Variants in TRIML2 observed in about 807,000 individuals in gnomAD.
TRIML2 encodes the protein tripartite motif family like 2, also known as probable E3 ubiquitin-protein ligase TRIML2.
Under a neutral mutation model 31.2 loss-of-function variants are expected in TRIML2, and 28 were observed. The observed-to-expected ratio is 0.90, with a 90% confidence interval of 0.66 to 1.23. The LOEUF (loss-of-function observed/expected upper bound fraction) is 1.23, where lower values mean the gene tolerates loss of function less well. Ranked by LOEUF, TRIML2 falls within the 50% of genes most tolerant of loss-of-function variation. The pLI, the probability that TRIML2 is intolerant of heterozygous loss-of-function variation, is 0.00. For missense variants in TRIML2, 536 were observed against 528.3 expected, an observed-to-expected ratio of 1.01 and a Z score of -0.14; for synonymous variants, 187 against 197.5, an observed-to-expected ratio of 0.95 and a Z score of 0.45.
chr4:188,094,436 A>C (rs962234042), intron 7 of TRIML2, among the ~76,000 whole-genome samples: 2 of 152,214 alleles, frequency 1.3e-5, no homozygotes, highest in Non-Finnish European at 2.9e-5. Context: ...ATAGGGTACA[A>C]ATGTCAATAT....
rs1734149665 is a variant in TRIML2 at position 188,109,303 on chromosome 4, G to A, written c.-283C>T. On this transcript the variant is annotated 5_prime_UTR_variant, in exon 1 of 8. Coordinates refer to ENST00000682553, the MANE Select transcript of TRIML2 (RefSeq NM_173553.4). ...TTTTTTTTTTTTTTTTTGAGACAGGGTCTTGCTCTGTCACCCAGGCTGGAA... is the reference window on the plus strand; with the variant it reads ...TTTTTTTTTTTTTTTTTGAGACAGGATCTTGCTCTGTCACCCAGGCTGGAA... The A allele has an allele frequency of 7.3e-6, 1 of 136,402 alleles. No homozygotes were observed. Among genetic ancestry groups the A allele is most frequent in the Admixed American group, 7.8e-5 (1 of 12,808 alleles). The allele number at this position is 136,402 out of a possible 1,614,324, so 8.4% of individuals were successfully genotyped here. A position where few individuals can be genotyped will look rare whatever the true frequency, so the allele number is the denominator to read the frequency against.
rs555567765 is a variant in TRIML2 at position 188,091,623 on chromosome 4, A to G, written c.1064T>C (p.Phe355Ser). The G allele has an allele frequency of 4.3e-6, 7 of 1,613,932 alleles. No individual in the cohort carries two copies. Among genetic ancestry groups the G allele is most frequent in the Non-Finnish European group, 5.9e-6 (7 of 1,180,014 alleles). ...VMGTEWTLWV[F>S]PPLKRLFLEK... is the part of the protein sequence containing the mutation. ...CAGGAAGAGCCTTTTCAGAGGGGGG[A>G]AGACCCAGAGAGTCCACTCGGTCCC... The change falls in exon 8 of 8, where the codon TTC becomes TCC. Residue 355 changes from phenylalanine to serine, a missense_variant. Physicochemically the swap from Phe to Ser is radical, Grantham distance 155. Transcript: ENST00000682553.
chr4:188,101,652 C>T (rs2111178629), intron 3 of TRIML2, among the ~76,000 whole-genome samples: 1 of 151,972 alleles, frequency 6.6e-6, no homozygotes, highest in South Asian at 2.1e-4. Flanking sequence ...AGAGATTACG[C>T]CACTGCACTC....
rs148710254 is a variant in TRIML2, at chr4:188,097,146, C to T, written c.660G>A (p.Leu220=). The part of the protein sequence containing the change: ...KYSLERSKSL[L]LEHLEPAHIT... ...TATGAGCGGGCTCCAGATGCTCAAG[C>T]AGCAGTGACTTGCTCCTGAAGAGAA... The change falls in exon 7 of 8, where the codon CTG becomes CTA. Residue 220 remains leucine (L), a synonymous_variant. Transcript: ENST00000682553. The T allele has an allele frequency of 3.7e-6, 6 of 1,614,076 alleles. No individual in the cohort carries two copies. The highest frequency in any genetic ancestry group is 2.5e-6 in the Non-Finnish European group (3 of 1,179,962).
rs76096328 is a variant in TRIML2, at chr4:188,091,662, G to A, written c.1025C>T (p.Thr342Met). Residue 342 changes from threonine to methionine, a missense_variant, in exon 8 of 8, where the codon ACG becomes ATG. Thr to Met is a moderately conservative substitution (Grantham distance 81). Transcript: ENST00000682553. ...CCACTCGGTCCCCATCACCGACCCC[G>A]TGAGCAAGACTTTCTCTCCGGAAGC... ...ARASGEKVLL[T>M]GSVMGTEWTL... The A allele has an allele frequency of 5.0e-4, 808 of 1,613,558 alleles. 5 individuals carry two copies. The African/African-American group carries it at 8.3e-3, about 17-fold the overall frequency.
chr4:188,098,982 C>G, intron 5 of TRIML2, 53 bp downstream of exon 5: 7 of 1,604,568 alleles, frequency 4.4e-6, no homozygotes, highest in Non-Finnish European at 5.1e-6. Flanking sequence ...CTGTCCACTT[C>G]TCATTTCTCA....
At chr4:188,100,193 T>C (rs12501598) in intron 4 of TRIML2, among the ~76,000 whole-genome samples, 24,855 of 152,170 alleles carry the variant, frequency 0.16, 2,118 homozygotes, top group Admixed American at 0.21. Context: ...TTGCTATGAA[T>C]GTTATAATTG....
In TRIML2 at chr4:188,106,864, C is replaced by T. The variant is rs184944336; in HGVS notation, c.-222-1274G>A. The T allele has an allele frequency of 2.3e-3, 616 of 262,386 alleles. 6 individuals are homozygous for T. Among genetic ancestry groups the T allele is most frequent in the African/African-American group, 0.012 (543 of 43,640 alleles). 16.3% of individuals were successfully genotyped at this position (262,386 alleles called of 1,614,324 possible). On this transcript the variant is annotated intron_variant, in intron 1 of 7. Coordinates refer to ENST00000682553, the MANE Select transcript of TRIML2 (RefSeq NM_173553.4). ...GGCTGAGCCGCGGGTGCGGTACCAC[C>T]GGCGCTTTGTCGACGTTGTGCCCAT...
rs770589107 is a variant in TRIML2 at position 188,104,846 on chromosome 4, C to T, written c.276G>A (p.Ala92=). 9.9e-6 allele frequency: 16 copies of T among 1,613,440 alleles called. No individual in the cohort carries two copies. Among genetic ancestry groups the T allele is most frequent in the African/African-American group, 4.0e-5 (3 of 74,910 alleles). The change falls in exon 3 of 8, where the codon GCG becomes GCA. Residue 92 remains alanine, a synonymous_variant. Coordinates refer to ENST00000682553, the MANE Select transcript of TRIML2 (RefSeq NM_173553.4). Reference sequence around the variant, plus strand: ...ATAAGCACTCACTGACCTGAATCATCGCCATTCTTTCTTGCTCATCAGTCA... The same window carrying T: ...ATAAGCACTCACTGACCTGAATCATTGCCATTCTTTCTTGCTCATCAGTCA... ...SILTDEQERM[A]MIQEEEQNFK...
At position 188,091,608 on chromosome 4, in the gene TRIML2, C is replaced by A. The variant is rs1247112447; in HGVS notation, c.1079G>T (p.Arg360Met). 2.5e-6 allele frequency: 4 copies of A among 1,614,140 alleles called. No individual in the cohort carries two copies. The highest frequency in any genetic ancestry group is 3.4e-6 in the Non-Finnish European group (4 of 1,180,016). Residue 360 changes from arginine (R) to methionine (M), a missense_variant, in exon 8 of 8, where the codon AGG (arginine) becomes ATG (methionine). By Grantham distance (91) the Arg-to-Met change is moderately conservative. Transcript: ENST00000682553. ...GTCCAACTTCTTTTCCAGGAAGAGC[C>A]TTTTCAGAGGGGGGAAGACCCAGAG... ...WTLWVFPPLK[R>M]LFLEKKLDTV...
At position 188,105,164 on chromosome 4, in the gene TRIML2, C is replaced by G. The variant is rs1331841072; in HGVS notation, c.189+16G>C. ...GTTGGCCAGAGTGTTTTGGGATTTG[C>G]GTGAGTGACTCTTACCCTGTAATTC... On this transcript the variant is annotated intron_variant, in intron 2 of 7. Transcript: ENST00000682553. The G allele has an allele frequency of 6.3e-7, 1 of 1,590,508 alleles. No individual in the cohort carries two copies. Among genetic ancestry groups the G allele is most frequent in the South Asian group, 1.1e-5 (1 of 90,066 alleles).
At chr4:188,099,251 T>A in intron 4 of TRIML2, 76 bp from the exon 5 acceptor site, 1 of 1,499,860 alleles carries the variant, frequency 6.7e-7, no homozygotes, top group Non-Finnish European at 8.9e-7. Context: ...CTCCTATAGA[T>A]TAATTCAACC....
intron 6 of TRIML2, 42 bp downstream of exon 6, chr4:188,097,282 G>A: frequency 6.2e-7 from 1 of 1,610,634 alleles, no homozygotes; most frequent in Non-Finnish European, 8.5e-7. Flanking sequence ...CATCTTACTG[G>A]ACTCTGATTC....
rs1268912924 is a variant in TRIML2, at chr4:188,101,124, C to T, written c.412G>A (p.Glu138Lys). 1.9e-6 allele frequency: 3 copies of T among 1,613,742 alleles called. No individual in the cohort carries two copies. The highest frequency in any genetic ancestry group is 1.7e-6 in the Non-Finnish European group (2 of 1,179,954). ...TTGATCGCTTGATTCAGAAGGGTTT[C>T]TCTCAGGTTCAAGTCAGATATGCAT... ...QECISDLNLR[E>K]TLLNQAIKLA... Residue 138 changes from glutamate to lysine, a missense_variant, in exon 4 of 8, where the codon GAA becomes AAA. Transcript: ENST00000682553.
chr4:188,101,599 C>T (rs1023394773), intron 3 of TRIML2, among the ~76,000 whole-genome samples: 16 of 151,898 alleles, frequency 1.1e-4, no homozygotes, highest in African/African-American at 2.7e-4. Flanking sequence ...AAGGCTAAGG[C>T]AGGAGAATCG....
At chr4:188,108,851 G>A (rs536755549) in intron 1 of TRIML2, among the ~76,000 whole-genome samples, 48 of 152,090 alleles carry the variant, frequency 3.2e-4, no homozygotes, top group African/African-American at 1.1e-3. Flanking sequence ...TCTTAGTAGC[G>A]AAAAGATTTT....
chr4:188,098,205 C>T (rs1733612587), intron 5 of TRIML2: 1 of 451,946 alleles, frequency 2.2e-6, no homozygotes, highest in Non-Finnish European at 4.4e-6. Context: ...CAATACTTAC[C>T]ATAGACTGAG....
At chr4:188,096,043 A>G (rs2111161648) in intron 7 of TRIML2, among the ~76,000 whole-genome samples, 1 of 152,294 alleles carries the variant, frequency 6.6e-6, no homozygotes, top group African/African-American at 2.4e-5. Flanking sequence ...TCTTCCCCAG[A>G]AGTTTTAAAT....
At position 188,097,082 on chromosome 4, in the gene TRIML2, T is replaced by G; in HGVS notation, c.724A>C (p.Ser242Arg). ...LSLCHIRGLSSMFRVLQRHLT... is the reference protein window; with the variant it reads ...LSLCHIRGLSRMFRVLQRHLT... ...TTACTCTGGAGTACTCTGAACATGCTGCTGAGTCCTCTTATGTGGCATAAA... is the reference window on the plus strand; with the variant it reads ...TTACTCTGGAGTACTCTGAACATGCGGCTGAGTCCTCTTATGTGGCATAAA... Residue 242 changes from serine (S) to arginine (R), a missense_variant, in exon 7 of 8, where the codon AGC (serine) becomes CGC (arginine). Coordinates refer to ENST00000682553, the MANE Select transcript of TRIML2 (RefSeq NM_173553.4). The G allele has an allele frequency of 1.9e-6, 3 of 1,613,804 alleles. No individual in the cohort carries two copies. Among genetic ancestry groups the G allele is most frequent in the Non-Finnish European group, 2.5e-6 (3 of 1,179,704 alleles).
Sources: allele counts gnomAD v4.1 joint callset (sites outside exome capture counted in the v4.1 genomes callset), GRCh38; gene constraint gnomAD v4.1.1; transcripts MANE v1.5; gene names NCBI Gene and HGNC (gene_info 2026-07-23, HGNC 2026-07-21).